Variants in MYOF observed in about 807,000 individuals in gnomAD.
MYOF encodes the protein myoferlin.
A neutral mutation model predicts 284.2 loss-of-function variants in MYOF; 244 were observed. The observed-to-expected ratio is 0.86, with a 90% confidence interval of 0.77 to 0.95. The LOEUF is 0.95. MYOF is among the 40% of genes least tolerant of loss of function. The probability of loss-of-function intolerance (pLI) is 0.00; values close to 1 mark genes in which losing one functional copy is unlikely to be tolerated. For missense variants in MYOF, 2,496 were observed against 2,560.6 expected (o/e 0.97, Z 0.54); for synonymous variants, 904 against 919.7 (o/e 0.98, Z 0.31).
chr10:93,442,925 G>A (rs1366299194), intron 3 of MYOF, among the ~76,000 whole-genome samples: 1 of 152,282 alleles, frequency 6.6e-6, no homozygotes, highest in African/African-American at 2.4e-5. Context: ...TTGGGAGGCC[G>A]AGGGGGGCGG....
At chr10:93,417,543 A>C (rs558140188) in intron 5 of MYOF, among the ~76,000 whole-genome samples, 4 of 152,006 alleles carry the variant, frequency 2.6e-5, no homozygotes, top group African/African-American at 9.7e-5. Context: ...TCCCCAGTGC[A>C]TATCAATGTC....
At chr10:93,435,536 C>G (rs756662885) in intron 3 of MYOF, among the ~76,000 whole-genome samples, 1 of 152,212 alleles carries the variant, frequency 6.6e-6, no homozygotes, top group Non-Finnish European at 1.5e-5. Flanking sequence ...TCACCCAACT[C>G]TTCGTTATTT....
At chr10:93,425,315 G>A (rs1034488778) in intron 5 of MYOF, among the ~76,000 whole-genome samples, 1 of 152,098 alleles carries the variant, frequency 6.6e-6, no homozygotes, top group African/African-American at 2.4e-5. Flanking sequence ...CACATGCCGA[G>A]ACTGTGCCTT....
chr10:93,329,873 ATC>A, intron 43 of MYOF, 39 bp from the exon 44 acceptor site: 1 of 1,605,322 alleles, frequency 6.2e-7, no homozygotes, highest in African/African-American at 1.3e-5. Flanking sequence ...TTCATGATCC[ATC>A]TGAGTACCTC....
At chr10:93,323,812 C>T in intron 46 of MYOF, 1 of 158,578 alleles carries the variant, frequency 6.3e-6, no homozygotes, top group East Asian at 1.8e-4. Flanking sequence ...ACATTGCCCA[C>T]CTGACACCAA....
intron 3 of MYOF, among the ~76,000 whole-genome samples, chr10:93,450,600 T>C (rs1423322126): frequency 1.3e-5 from 2 of 152,072 alleles, no homozygotes; most frequent in African/African-American, 4.8e-5. Context: ...AATAATTTAC[T>C]GTCCAAACCC....
chr10:93,341,463 G>A (rs1310082626), intron 38 of MYOF, among the ~76,000 whole-genome samples: 1 of 152,126 alleles, frequency 6.6e-6, no homozygotes, highest in Non-Finnish European at 1.5e-5. Context: ...TTTTAGTAGA[G>A]ACGGGGTTTC....
At position 93,366,309 on chromosome 10, in the gene MYOF, G is replaced by C. The variant is rs772665829; in HGVS notation, c.2753+83C>G. ...GGTGTTACATAACTATTATCAAGAT[G>C]ATGACGGAGATATAATATATTTAGC... On this transcript the variant is annotated intron_variant, in intron 26 of 53. Transcript: ENST00000359263. The C allele has an allele frequency of 4.7e-4, 661 of 1,403,244 alleles. 4 individuals carry two copies. The highest frequency in any genetic ancestry group is 2.9e-4 in the Non-Finnish European group (291 of 1,011,506). The allele number at this position is 1,403,244 out of a possible 1,614,324, so 86.9% of individuals were successfully genotyped here.
rs1353207084 is a variant in MYOF at position 93,337,849 on chromosome 10, C to T, written c.4403G>A (p.Gly1468Glu). 1 of 1,614,082 alleles carries T rather than the reference C, an allele frequency of 6.2e-7. No homozygotes were observed. The highest frequency in any genetic ancestry group is 1.3e-5 in the African/African-American group (1 of 75,004). The change falls in exon 40 of 54, where the codon GGA becomes GAA. Residue 1468 changes from glycine to glutamate, a missense_variant. By Grantham distance (98) the Gly-to-Glu change is moderately conservative. Transcript: ENST00000359263. ...GGAATAGCCTTTCTGAATATACTGT[C>T]CGCATTTTTCATGTTCCCCTGAGGA... ...YASSGEHEKC[G>E]QYIQKGYSKL...
Position 93,366,453 on chromosome 10 carries a change from A to G in MYOF, c.2692T>C (p.Phe898Leu). The change falls in exon 26 of 54, where the codon TTT becomes CTT. Residue 898 changes from phenylalanine (F) to leucine (L), a missense_variant. By Grantham distance (22) the Phe-to-Leu change is conservative. Around this residue, in one of 3 missense-constraint regions of MYOF, gnomAD observed 2,436 missense variants for 2,480.7 expected, o/e 0.98. Transcript: ENST00000359263. ...TCCCAGCCTTTTGGAGGCAGAAAAA[A>G]TTCCCTCTTGAGTTTTATTTTTCCT... ...VTGKIKLKREFFLPPKGWEWE... is the reference protein window; with the variant it reads ...VTGKIKLKRELFLPPKGWEWE... 2.5e-6 allele frequency: 4 copies of G among 1,613,976 alleles called. 1 individual carries two copies. Among genetic ancestry groups the G allele is most frequent in the Middle Eastern group, 1.7e-4 (1 of 6,060 alleles).
At chr10:93,398,301 T>G (rs1304250657) in intron 13 of MYOF, among the ~76,000 whole-genome samples, 1 of 152,202 alleles carries the variant, frequency 6.6e-6, no homozygotes, top group East Asian at 1.9e-4. Context: ...AACTGTCACT[T>G]TCTCCAGGAG....
chr10:93,392,817 C>A, intron 17 of MYOF, 100 bp downstream of exon 17: 1 of 1,130,608 alleles, frequency 8.8e-7, no homozygotes, highest in Admixed American at 2.0e-5. Context: ...GTTGAGACAG[C>A]AAAATGTCAA....
At chr10:93,379,801 C>A in intron 21 of MYOF, 62 bp downstream of exon 21, 2 of 1,597,074 alleles carry the variant, frequency 1.3e-6, no homozygotes, top group Non-Finnish European at 1.7e-6. Context: ...GGCCTGGCCT[C>A]CATCCTAATA....
At chr10:93,316,595 C>A (rs75175587) in intron 50 of MYOF, 119 bp downstream of exon 50, 5 of 876,076 alleles carry the variant, frequency 5.7e-6, no homozygotes, top group Non-Finnish European at 9.1e-6. Context: ...CCTGTCCCCC[C>A]ACCAGGCCCC....
At chr10:93,434,011 A>G (rs1396865387) in intron 3 of MYOF, among the ~76,000 whole-genome samples, 2 of 152,150 alleles carry the variant, frequency 1.3e-5, no homozygotes, top group Admixed American at 6.5e-5. Context: ...GTTTCACCCA[A>G]TTTACCCAAT....
intron 32 of MYOF, 62 bp from the exon 33 acceptor site, chr10:93,351,908 T>A: frequency 7.1e-7 from 1 of 1,407,450 alleles, no homozygotes; most frequent in Non-Finnish European, 9.6e-7. Flanking sequence ...CCAGAACCAC[T>A]CAGTGCAACC....
chr10:93,320,601 A>G (rs1221355509), intron 48 of MYOF, among the ~76,000 whole-genome samples: 1 of 152,146 alleles, frequency 6.6e-6, no homozygotes, highest in African/African-American at 2.4e-5. Flanking sequence ...TTTCAGTAAC[A>G]TCTTAACTTT....
chr10:93,355,674 G>C lies in MYOF; in HGVS notation c.3357C>G (p.Thr1119=), dbSNP rs1253947122. ...TGGGGGTGTTTGCTCCGAACACAGTGGTGGCACTGTGCTTCTGTTTCTCCA... is the reference window on the plus strand; with the variant it reads ...TGGGGGTGTTTGCTCCGAACACAGTCGTGGCACTGTGCTTCTGTTTCTCCA... The part of the protein sequence containing the change: ...KSLEKQKHSA[T]TVFGANTPIV... The change falls in exon 31 of 54, where the codon ACC becomes ACG. Residue 1119 remains threonine, a synonymous_variant. Transcript: ENST00000359263. 6.2e-7 allele frequency: 1 copy of C among 1,613,384 alleles called. No homozygotes were observed. The highest frequency in any genetic ancestry group is 8.5e-7 in the Non-Finnish European group (1 of 1,179,492).
rs752925057 is a variant in MYOF at position 93,408,923 on chromosome 10, ACAGAAGGGGGATGGTTACC to A, written c.601-27_601-9del. On this transcript the variant is annotated splice_polypyrimidine_tract_variant and intron_variant, in intron 6 of 53. Coordinates refer to ENST00000359263, the MANE Select transcript of MYOF (RefSeq NM_013451.4). The stretch of plus-strand genomic sequence containing the variant: ...AATCACTCGGACGCGGATCTGCAGC[ACAGAAGGGGGATGGTTACC>A]CAACCTTTCCCAGCACGTGGGATCC... 8.5e-5 allele frequency: 137 copies of A among 1,613,982 alleles called. No individual in the cohort carries two copies. Among genetic ancestry groups the A allele is most frequent in the Non-Finnish European group, 1.1e-4 (133 of 1,180,016 alleles).
Sources: gnomAD v4.1 joint callset for allele counts (sites outside exome capture counted in the v4.1 genomes callset) on GRCh38, gnomAD v4.1.1 for gene constraint, gnomAD v4.1.1 regional missense constraint, MANE v1.5 for transcripts, NCBI Gene and HGNC (gene_info 2026-07-23, HGNC 2026-07-21) for gene names.